The following NALCN variants were observed in gnomAD, a reference collection of about 807,000 sequenced individuals.
NALCN encodes sodium leak channel NALCN.
A neutral mutation model predicts 225.3 loss-of-function variants in NALCN; 111 were observed. That is an observed-to-expected ratio of 0.49 (90% CI 0.42 to 0.58). NALCN has a LOEUF of 0.58. Among genes scored for constraint, NALCN ranks in the 20% least tolerant of loss-of-function variants. NALCN has a pLI of 0.00. For missense variants in NALCN, 1,378 were observed against 2,202.4 expected, an observed-to-expected ratio of 0.63 and a Z score of 7.49; for synonymous variants, 764 against 769.0, an observed-to-expected ratio of 0.99 and a Z score of 0.11.
At chr13:101,135,185 A>G (rs1009711805) in intron 17 of NALCN, among the ~76,000 whole-genome samples, 1 of 152,206 alleles carries the variant, frequency 6.6e-6, no homozygotes, top group Non-Finnish European at 1.5e-5. Flanking sequence ...ACAGAGCGAG[A>G]CTCCGTCTCA....
intron 10 of NALCN, among the ~76,000 whole-genome samples, chr13:101,259,197 A>G (rs1307066282): frequency 6.6e-6 from 1 of 152,130 alleles, no homozygotes; most frequent in African/African-American, 2.4e-5. Context: ...CTGAGGCTCA[A>G]AGAGGTTAAG....
chr13:101,119,571 C>G (rs377076671), intron 18 of NALCN, among the ~76,000 whole-genome samples: 151 of 152,272 alleles, frequency 9.9e-4, no homozygotes, highest in African/African-American at 3.5e-3. Context: ...ATTCATTCAG[C>G]CTTGCAGGAA....
At chr13:101,280,449 T>G (rs2043129987) in intron 10 of NALCN, among the ~76,000 whole-genome samples, 1 of 152,184 alleles carries the variant, frequency 6.6e-6, no homozygotes, top group Non-Finnish European at 1.5e-5. Context: ...CTTGCTCGAT[T>G]TTGTCATCAC....
intron 11 of NALCN, among the ~76,000 whole-genome samples, chr13:101,250,902 C>T (rs868031573): frequency 2.7e-5 from 4 of 150,280 alleles, no homozygotes; most frequent in South Asian, 2.1e-4. Flanking sequence ...TGACAGAATA[C>T]GAAAAAAAGG....
Position 101,229,850 on chromosome 13 carries a change from A to G in NALCN, c.1435-266T>C, listed in dbSNP as rs146226919. Among the ~76,000 whole-genome samples, 2,579 of 152,314 alleles carry G rather than the reference A, an allele frequency of 0.017. 37 individuals are homozygous for G. The highest frequency in any genetic ancestry group is 0.028 in the Non-Finnish European group (1,906 of 68,020). On this transcript the variant is annotated intron_variant, in intron 12 of 43. Coordinates refer to ENST00000251127, the MANE Select transcript of NALCN (RefSeq NM_052867.4). Reference sequence around the variant, plus strand: ...TAGTACGTATTGTTGAAATAAAATTAATATTTTTCTAACGTTCAAATATGC... The same window carrying G: ...TAGTACGTATTGTTGAAATAAAATTGATATTTTTCTAACGTTCAAATATGC...
At chr13:101,225,851 T>C (rs995207606) in intron 13 of NALCN, among the ~76,000 whole-genome samples, 3 of 152,198 alleles carry the variant, frequency 2.0e-5, no homozygotes, top group Admixed American at 6.5e-5. Flanking sequence ...ATAATATGCC[T>C]AGGACTAATG....
chr13:101,098,488 C>A (rs920182960), intron 27 of NALCN, among the ~76,000 whole-genome samples: 1 of 152,106 alleles, frequency 6.6e-6, no homozygotes, highest in Non-Finnish European at 1.5e-5. Flanking sequence ...GTCCTAGGCT[C>A]CATATCTATA....
intron 10 of NALCN, among the ~76,000 whole-genome samples, chr13:101,267,982 C>T (rs965280128): frequency 6.6e-6 from 1 of 152,238 alleles, no homozygotes; most frequent in East Asian, 1.9e-4. Context: ...GTTCTCACAA[C>T]CAGAACAGAA....
chr13:101,075,155 A>G (rs2033169623), intron 35 of NALCN, among the ~76,000 whole-genome samples: 1 of 152,228 alleles, frequency 6.6e-6, no homozygotes, highest in African/African-American at 2.4e-5. Flanking sequence ...TATATATGAA[A>G]TAACGTTTGT....
At chr13:101,185,606 G>T (rs753252359) in intron 14 of NALCN, among the ~76,000 whole-genome samples, 1 of 152,206 alleles carries the variant, frequency 6.6e-6, no homozygotes, top group Non-Finnish European at 1.5e-5. Flanking sequence ...CATACCTGGC[G>T]GAAGAGAGAG....
chr13:101,066,308 C>CTCA (rs2032386440), intron 39 of NALCN, among the ~76,000 whole-genome samples: 1 of 125,150 alleles, frequency 8.0e-6, no homozygotes. Context: ...GACTCCATCT[C>CTCA]AAAAAAAAAA....
At chr13:101,236,775 GAGGGGGC>G (rs2041570927) in intron 12 of NALCN, among the ~76,000 whole-genome samples, 2 of 110,434 alleles carry the variant, frequency 1.8e-5, no homozygotes, top group Admixed American at 1.3e-4. Flanking sequence ...GGGGTGGGGG[GAGGGGGC>G]AGGGATAGCT....
intron 34 of NALCN, among the ~76,000 whole-genome samples, chr13:101,080,974 T>C (rs1230012327): frequency 1.3e-5 from 2 of 151,998 alleles, no homozygotes; most frequent in African/African-American, 4.8e-5. Context: ...GCACTTTAGG[T>C]AAAATAGTGA....
chr13:101,147,350 CTCTCT>C (rs957953138), intron 15 of NALCN, among the ~76,000 whole-genome samples: 6 of 142,912 alleles, frequency 4.2e-5, no homozygotes, highest in Non-Finnish European at 6.0e-5. Context: ...CTTCCTCTCT[CTCTCT>C]TTTTTTTTTT....
At chr13:101,221,702 T>C (rs1158893888) in intron 13 of NALCN, among the ~76,000 whole-genome samples, 1 of 152,138 alleles carries the variant, frequency 6.6e-6, no homozygotes, top group Non-Finnish European at 1.5e-5. Flanking sequence ...TGGCTGAATG[T>C]GGGTACCTGG....
intron 14 of NALCN, among the ~76,000 whole-genome samples, chr13:101,185,381 C>T (rs747825222): frequency 2.0e-5 from 3 of 152,176 alleles, no homozygotes; most frequent in South Asian, 2.1e-4. Flanking sequence ...CCACAATGAA[C>T]GCTTAATTAC....
At chr13:101,304,594 C>T (rs1020435731) in intron 7 of NALCN, among the ~76,000 whole-genome samples, 2 of 152,038 alleles carry the variant, frequency 1.3e-5, no homozygotes, top group African/African-American at 2.4e-5. Context: ...CTCACTACCA[C>T]GCCTGGTTAA....
intron 13 of NALCN, among the ~76,000 whole-genome samples, chr13:101,214,237 T>C (rs1468507963): frequency 6.6e-6 from 1 of 151,156 alleles, no homozygotes; most frequent in African/African-American, 2.4e-5. Flanking sequence ...TAGGTGGGAA[T>C]TGAACAATGA....
intron 13 of NALCN, among the ~76,000 whole-genome samples, chr13:101,224,936 T>C (rs1320948033): frequency 6.6e-6 from 1 of 152,070 alleles, no homozygotes; most frequent in African/African-American, 2.4e-5. Flanking sequence ...CCTCTGACCA[T>C]CAAAGTAGCC....
Sources: gnomAD v4.1 joint callset for allele counts (sites outside exome capture counted in the v4.1 genomes callset) on GRCh38, gnomAD v4.1.1 for gene constraint, MANE v1.5 for transcripts, NCBI Gene and HGNC (gene_info 2026-07-23, HGNC 2026-07-21) for gene names.